FCRLA: variants seen among roughly 807,000 people sequenced by gnomAD.
The protein encoded by FCRLA is Fc receptor-like A.
Under a neutral mutation model 28.4 loss-of-function variants are expected in FCRLA, and 26 were observed. The ratio of observed to expected loss-of-function variants is 0.91; its 90% CI spans 0.67 to 1.27. FCRLA has a LOEUF of 1.27. Among genes scored for constraint, FCRLA ranks in the 50% most tolerant of loss-of-function variants. The pLI is 0.00. For missense variants in FCRLA, 422 were observed against 433.1 expected (o/e 0.97, Z 0.23); for synonymous variants, 174 against 168.5 (o/e 1.03, Z -0.25).
chr1:161,707,719 C>T lies in FCRLA; in HGVS notation c.79+376C>T, dbSNP rs1284863680. Among the ~76,000 whole-genome samples, 5 of 152,278 alleles carry T rather than the reference C, an allele frequency of 3.3e-5. 1 individual carries two copies. Among genetic ancestry groups the T allele is most frequent in the East Asian group, 3.9e-4 (2 of 5,180 alleles). Reference sequence around the variant, plus strand: ...GGAATTGGTTTTGTCTAGGGCACAACGATCTCTATATTGACTGGGTTATGG... The same window carrying T: ...GGAATTGGTTTTGTCTAGGGCACAATGATCTCTATATTGACTGGGTTATGG... On this transcript the variant is annotated intron_variant, in intron 1 of 4. Transcript: ENST00000236938.
At position 161,713,620 on chromosome 1, in the gene FCRLA, CT is replaced by C; in HGVS notation, c.*241del. On this transcript the variant is annotated 3_prime_UTR_variant, in exon 5 of 5. Coordinates refer to ENST00000236938, the MANE Select transcript of FCRLA (RefSeq NM_032738.4). ...TGCTGTCTAGATCAGGAATTTCTAT[CT>C]GTTATATCGACCAGAATGTTGTGAT... is the stretch of plus-strand genomic sequence containing the variant. 2.3e-6 allele frequency: 1 copy of C among 426,020 alleles called. No individual in the cohort carries two copies. Among genetic ancestry groups the C allele is most frequent in the Non-Finnish European group, 4.2e-6 (1 of 239,798 alleles). 26.4% of individuals were successfully genotyped at this position (426,020 alleles called of 1,614,324 possible).
chr1:161,712,028 G>A lies in FCRLA; in HGVS notation c.594G>A (p.Leu198=), dbSNP rs748739854. Residue 198 remains leucine, a synonymous_variant, in exon 4 of 5, where the codon CTG becomes CTA. Transcript: ENST00000236938. The stretch of plus-strand genomic sequence containing the variant: ...TGAGTTGTCAGACAAAGTTGCCCCT[G>A]CAGAGGTCAGCTGCCCGCCTCCTCT... ...MTLSCQTKLP[L]QRSAARLLFS... is the part of the protein sequence containing the mutation. The A allele has an allele frequency of 3.4e-5, 55 of 1,614,086 alleles. No homozygotes were observed. The South Asian group carries it at 5.7e-4, about 17-fold the overall frequency.
chr1:161,713,606 T>G lies in FCRLA; in HGVS notation c.*226T>G. The G allele has an allele frequency of 2.2e-6, 1 of 463,886 alleles. No homozygotes were observed. The allele number at this position is 463,886 out of a possible 1,614,324, so 28.7% of individuals were successfully genotyped here. On this transcript the variant is annotated 3_prime_UTR_variant, in exon 5 of 5. Transcript: ENST00000236938. ...ACACAACAGAATTCTGCTGTCTAGA[T>G]CAGGAATTTCTATCTGTTATATCGA...
Position 161,711,488 on chromosome 1 carries a change from G to A in FCRLA, c.499+14G>A, listed in dbSNP as rs775114285. On this transcript the variant is annotated intron_variant, in intron 3 of 4. Coordinates refer to ENST00000236938, the MANE Select transcript of FCRLA (RefSeq NM_032738.4). ...TCACAGTCCAAGGTGAGAGCTAGAA[G>A]CAGCATTGTCATGGCAGGGGAGGGT... 16 of 1,605,676 alleles carry A rather than the reference G, an allele frequency of 1.0e-5. No homozygotes were observed. Among genetic ancestry groups the A allele is most frequent in the East Asian group, 2.2e-5 (1 of 44,712 alleles).
At chr1:161,712,266 T>C in intron 4 of FCRLA, 48 bp downstream of exon 4, 1 of 1,572,304 alleles carries the variant, frequency 6.4e-7, no homozygotes, top group Non-Finnish European at 8.6e-7. Flanking sequence ...TGCGTGTGAG[T>C]GAAAAGGAGG....
chr1:161,713,117 A>G lies in FCRLA; in HGVS notation c.817A>G (p.Asn273Asp), dbSNP rs1311267214. The G allele has an allele frequency of 5.0e-6, 8 of 1,613,806 alleles. No homozygotes were observed. The highest frequency in any genetic ancestry group is 1.1e-5 in the South Asian group (1 of 91,056). ...ASSSAAPPTL[N>D]PAPQKSAAPG... ...CAGCTCTGCTGCACCTCCCACATTG[A>G]ATCCAGCTCCTCAGAAATCAGCTGC... The change falls in exon 5 of 5, where the codon AAT becomes GAT. Residue 273 changes from asparagine (N) to aspartate (D), a missense_variant. Transcript: ENST00000236938.
chr1:161,710,404 C>A, intron 1 of FCRLA: 1 of 1,394,520 alleles, frequency 7.2e-7, no homozygotes, highest in Non-Finnish European at 1.0e-6. Context: ...TCTGATGTCT[C>A]CCTTTCATTC....
chr1:161,710,961 C>A (rs1683070476), intron 2 of FCRLA, 49 bp downstream of exon 2: 2 of 1,602,898 alleles, frequency 1.2e-6, no homozygotes, highest in East Asian at 4.5e-5. Flanking sequence ...CTTCTTTCAG[C>A]CTCAGAGCCC....
At chr1:161,707,421 A>G in intron 1 of FCRLA, 78 bp downstream of exon 1, 1 of 1,465,854 alleles carries the variant, frequency 6.8e-7, no homozygotes, top group Non-Finnish European at 9.1e-7. Flanking sequence ...GGAAAGAAAC[A>G]TGGACTAATT....
At chr1:161,707,498 A>G (rs1043019228) in intron 1 of FCRLA, among the ~76,000 whole-genome samples, 155 bp downstream of exon 1, 1 of 152,268 alleles carries the variant, frequency 6.6e-6, no homozygotes, top group Non-Finnish European at 1.5e-5. Flanking sequence ...TTTGGTGTAC[A>G]GGATTGAATT....
At position 161,713,264 on chromosome 1, in the gene FCRLA, G is replaced by C. The variant is rs1479958655; in HGVS notation, c.964G>C (p.Gly322Arg). The C allele has an allele frequency of 6.2e-7, 1 of 1,613,992 alleles. No individual in the cohort carries two copies. The highest frequency in any genetic ancestry group is 1.3e-5 in the African/African-American group (1 of 74,906). ...AGATCCTCATCTGTATCACCAGATG[G>C]GCCTTCTTCTCAAACACATGCAGGA... ...MPDPHLYHQM[G>R]LLLKHMQDVR... The change falls in exon 5 of 5, where the codon GGC (glycine) becomes CGC (arginine). Residue 322 changes from glycine to arginine, a missense_variant. By Grantham distance (125) the Gly-to-Arg change is moderately radical (BLOSUM62 -2). This residue lies in a region of FCRLA where 185 missense variants were observed against 198.1 expected (regional missense o/e 0.93). Transcript: ENST00000236938.
In FCRLA at chr1:161,711,319, A is replaced by T; in HGVS notation, c.344A>T (p.Asp115Val). Reference sequence around the variant, plus strand: ...CTGACTCAGGTGACCTTCTACCGAGATGGCTCAGCTCTGGGTCCCCCCGGG... The same window carrying T: ...CTGACTCAGGTGACCTTCTACCGAGTTGGCTCAGCTCTGGGTCCCCCCGGG... ...WPLTQVTFYR[D>V]GSALGPPGPN... The change falls in exon 3 of 5, where the codon GAT becomes GTT. Residue 115 changes from aspartate to valine, a missense_variant. Coordinates refer to ENST00000236938, the MANE Select transcript of FCRLA (RefSeq NM_032738.4). 1 of 1,614,178 alleles carries T rather than the reference A, an allele frequency of 6.2e-7. No homozygotes were observed. Among genetic ancestry groups the T allele is most frequent in the Non-Finnish European group, 8.5e-7 (1 of 1,180,024 alleles).
At chr1:161,707,787 T>C (rs987602262) in intron 1 of FCRLA, among the ~76,000 whole-genome samples, 1 of 152,212 alleles carries the variant, frequency 6.6e-6, no homozygotes, top group Non-Finnish European at 1.5e-5. Context: ...TCTGCTGCAC[T>C]GGGCTCTGTT....
chr1:161,709,048 C>G (rs1454659568), intron 1 of FCRLA, among the ~76,000 whole-genome samples: 1 of 152,192 alleles, frequency 6.6e-6, no homozygotes, highest in African/African-American at 2.4e-5. Context: ...TCAGTTTTCT[C>G]ATTTGTAGAA....
At chr1:161,709,900 A>G (rs116193796) in intron 1 of FCRLA, among the ~76,000 whole-genome samples, 1,773 of 152,258 alleles carry the variant, frequency 0.012, 27 homozygotes, top group African/African-American at 0.04. Flanking sequence ...AGTTACTAAT[A>G]TGGACTGGGA....
rs878937365 is a variant in FCRLA, at chr1:161,711,938, G to C, written c.504G>C (p.Leu168=). 1.2e-6 allele frequency: 2 copies of C among 1,607,356 alleles called. No individual in the cohort carries two copies. The highest frequency in any genetic ancestry group is 1.1e-5 in the South Asian group (1 of 90,344). ...TCCTGCCTATCTTTTTCCCAGAACTGTTTCCAGCGCCAATTCTCAGAGCTG... is the reference window on the plus strand; with the variant it reads ...TCCTGCCTATCTTTTTCCCAGAACTCTTTCCAGCGCCAATTCTCAGAGCTG... ...ASVVAITVQE[L]FPAPILRAVP... is the part of the protein sequence containing the mutation. Residue 168 remains leucine, a synonymous_variant, in exon 4 of 5, where the codon CTG becomes CTC. Coordinates refer to ENST00000236938, the MANE Select transcript of FCRLA (RefSeq NM_032738.4).
At chr1:161,712,267 G>C in intron 4 of FCRLA, 49 bp downstream of exon 4, 1 of 1,570,142 alleles carries the variant, frequency 6.4e-7, no homozygotes, top group Non-Finnish European at 8.6e-7. Flanking sequence ...GCGTGTGAGT[G>C]AAAAGGAGGG....
rs1683225817 is a variant in FCRLA at position 161,713,772 on chromosome 1, G to C, written c.*392G>C. 6.0e-6 allele frequency: 1 copy of C among 167,834 alleles called. No individual in the cohort carries two copies. Among genetic ancestry groups the C allele is most frequent in the African/African-American group, 2.4e-5 (1 of 41,568 alleles). The allele number at this position is 167,834 out of a possible 1,614,324, so 10.4% of individuals were successfully genotyped here. ...ATTATACTTGGGGGGTTGGGGGATG[G>C]TGGGATGTGTGTGCTACTGGCATCC... On this transcript the variant is annotated 3_prime_UTR_variant, in exon 5 of 5. Coordinates refer to ENST00000236938, the MANE Select transcript of FCRLA (RefSeq NM_032738.4).
intron 4 of FCRLA, 133 bp downstream of exon 4, chr1:161,712,351 A>G: frequency 9.8e-7 from 1 of 1,017,454 alleles, no homozygotes; most frequent in Non-Finnish European, 1.4e-6. Flanking sequence ...GGCAGGAACA[A>G]TGGGCCAGAA....
Sources: gnomAD v4.1 joint callset for allele counts (sites outside exome capture counted in the v4.1 genomes callset) on GRCh38, gnomAD v4.1.1 for gene constraint, gnomAD v4.1.1 regional missense constraint, MANE v1.5 for transcripts, NCBI Gene and HGNC (gene_info 2026-07-23, HGNC 2026-07-21) for gene names.